SLC39A11: variants seen among roughly 807,000 people sequenced by gnomAD.
SLC39A11 encodes solute carrier family 39 member 11.
Under a neutral mutation model 36.1 loss-of-function variants are expected in SLC39A11, and 33 were observed. The observed-to-expected ratio is 0.91, with a 90% confidence interval of 0.69 to 1.22. The LOEUF (loss-of-function observed/expected upper bound fraction) is 1.22. Among genes scored for constraint, SLC39A11 ranks in the 50% most tolerant of loss-of-function variants. The pLI, the probability that SLC39A11 is intolerant of heterozygous loss-of-function variation, is 0.00. For synonymous variants in SLC39A11, 166 were observed against 170.3 expected (o/e 0.97, Z 0.20); for missense variants, 432 against 430.3 (o/e 1.00, Z -0.03).
At chr17:72,661,760 C>T (rs947664921) in intron 7 of SLC39A11, among the ~76,000 whole-genome samples, 2 of 152,156 alleles carry the variant, frequency 1.3e-5, no homozygotes, top group African/African-American at 2.4e-5. Context: ...GTGCAGTTCT[C>T]GGAAACTTCT....
intron 3 of SLC39A11, among the ~76,000 whole-genome samples, chr17:73,043,571 G>A (rs1315317150): frequency 1.3e-5 from 2 of 152,076 alleles, no homozygotes; most frequent in African/African-American, 4.8e-5. Context: ...TCTTCGGCAG[G>A]GTAACGGAGG....
chr17:72,863,769 C>G (rs774058651), intron 5 of SLC39A11, among the ~76,000 whole-genome samples: 2 of 152,176 alleles, frequency 1.3e-5, no homozygotes, highest in African/African-American at 4.8e-5. Context: ...TGGCAACGCA[C>G]GAGCAACCAG....
At chr17:72,866,252 G>A (rs1392848723) in intron 5 of SLC39A11, among the ~76,000 whole-genome samples, 1 of 152,204 alleles carries the variant, frequency 6.6e-6, no homozygotes, top group East Asian at 1.9e-4. Context: ...GATCTAGGTT[G>A]CATGCTCCTT....
chr17:72,786,583 G>A (rs1211744168), intron 6 of SLC39A11, among the ~76,000 whole-genome samples: 3 of 152,288 alleles, frequency 2.0e-5, no homozygotes, highest in African/African-American at 7.2e-5. Context: ...GGATCCCGGG[G>A]TGTTTTTCAG....
chr17:72,970,678 A>C (rs999504909), intron 4 of SLC39A11, among the ~76,000 whole-genome samples: 3 of 152,246 alleles, frequency 2.0e-5, no homozygotes, highest in Non-Finnish European at 4.4e-5. Flanking sequence ...ATGCTTATTT[A>C]AAAAGTGGCT....
intron 5 of SLC39A11, among the ~76,000 whole-genome samples, chr17:72,919,691 A>G (rs2083541695): frequency 6.6e-6 from 1 of 151,512 alleles, no homozygotes; most frequent in Non-Finnish European, 1.5e-5. Flanking sequence ...AAAAAGAAAA[A>G]AAGAAGGAAA....
At position 72,657,268 on chromosome 17, in the gene SLC39A11, G is replaced by A. The variant is rs200699498; in HGVS notation, c.672-8000C>T. ...CCAGCTACCAGGGGAGCTGAGGCATGAGAATCGCTTGAACCCGGGAGGCAG... is the reference window on the plus strand; with the variant it reads ...CCAGCTACCAGGGGAGCTGAGGCATAAGAATCGCTTGAACCCGGGAGGCAG... On this transcript the variant is annotated intron_variant, in intron 7 of 9. Coordinates refer to ENST00000255559, the MANE Select transcript of SLC39A11 (RefSeq NM_139177.4). 1.6e-4 allele frequency among the ~76,000 whole-genome samples: 25 copies of A among 152,306 alleles called. No homozygotes were observed. In the East Asian group the frequency reaches 4.4e-3, roughly 27 times the overall value.
At chr17:72,915,384 C>T (rs768623362) in intron 5 of SLC39A11, among the ~76,000 whole-genome samples, 43 of 152,204 alleles carry the variant, frequency 2.8e-4, no homozygotes, top group Admixed American at 7.9e-4. Flanking sequence ...CCCTGCCCTG[C>T]CTCGCTTTTC....
chr17:72,824,763 G>A (rs1168661042), intron 6 of SLC39A11, among the ~76,000 whole-genome samples: 1 of 151,260 alleles, frequency 6.6e-6, no homozygotes, highest in Non-Finnish European at 1.5e-5. Context: ...CCCTGCTCTC[G>A]TGACCTGTGG....
At chr17:72,804,848 C>T (rs1287521715) in intron 6 of SLC39A11, among the ~76,000 whole-genome samples, 1 of 152,076 alleles carries the variant, frequency 6.6e-6, no homozygotes, top group African/African-American at 2.4e-5. Context: ...GGTGAAACCC[C>T]GTCTCTACTA....
At chr17:72,995,573 T>C (rs1372624385) in intron 4 of SLC39A11, among the ~76,000 whole-genome samples, 1 of 152,170 alleles carries the variant, frequency 6.6e-6, no homozygotes, top group Non-Finnish European at 1.5e-5. Context: ...GTGAGTATCA[T>C]CCAGTCCATG....
chr17:72,939,190 G>A (rs903368625), intron 5 of SLC39A11, among the ~76,000 whole-genome samples: 1 of 152,144 alleles, frequency 6.6e-6, no homozygotes, highest in Admixed American at 6.5e-5. Flanking sequence ...GCAGGGCGTG[G>A]TGGCTCACGC....
intron 6 of SLC39A11, among the ~76,000 whole-genome samples, chr17:72,739,607 C>CAAA (rs1568011570): frequency 6.6e-6 from 1 of 152,086 alleles, no homozygotes; most frequent in Non-Finnish European, 1.5e-5. Context: ...GAGGTCTTTC[C>CAAA]AAAACCAGAC....
At chr17:72,888,930 G>A (rs1231622980) in intron 5 of SLC39A11, among the ~76,000 whole-genome samples, 1 of 152,028 alleles carries the variant, frequency 6.6e-6, no homozygotes, top group Non-Finnish European at 1.5e-5. Flanking sequence ...AAGAAAAAAC[G>A]AAAGTGTAGA....
intron 7 of SLC39A11, among the ~76,000 whole-genome samples, chr17:72,679,385 C>T (rs147706959): frequency 6.6e-6 from 1 of 152,266 alleles, no homozygotes; most frequent in Admixed American, 6.5e-5. Flanking sequence ...ATATAGACAA[C>T]AATTACCTAT....
At chr17:73,065,776 G>A (rs1300652234) in intron 3 of SLC39A11, among the ~76,000 whole-genome samples, 2 of 152,156 alleles carry the variant, frequency 1.3e-5, no homozygotes, top group Non-Finnish European at 2.9e-5. Flanking sequence ...AACACATTAG[G>A]CTTAACTGGG....
At chr17:72,762,605 T>C in intron 6 of SLC39A11, among the ~76,000 whole-genome samples, 1 of 152,192 alleles carries the variant, frequency 6.6e-6, no homozygotes, top group Non-Finnish European at 1.5e-5. Flanking sequence ...TTCCTTTACT[T>C]TCTTATTACA....
At chr17:72,867,878 C>A (rs929182379) in intron 5 of SLC39A11, among the ~76,000 whole-genome samples, 3 of 152,150 alleles carry the variant, frequency 2.0e-5, no homozygotes, top group Admixed American at 6.5e-5. Flanking sequence ...GCTGAGATGA[C>A]CCTAGTGCCT....
intron 3 of SLC39A11, among the ~76,000 whole-genome samples, chr17:73,055,327 G>A (rs969027768): frequency 1.6e-4 from 24 of 152,184 alleles, no homozygotes; most frequent in African/African-American, 5.5e-4. Flanking sequence ...ACAGGAGGTA[G>A]GACCTGTTTA....
Sources: allele counts gnomAD v4.1 joint callset (sites outside exome capture counted in the v4.1 genomes callset), GRCh38; gene constraint gnomAD v4.1.1; transcripts MANE v1.5; gene names NCBI Gene and HGNC (gene_info 2026-07-23, HGNC 2026-07-21).